Variants in SSBP2 observed in about 807,000 individuals in gnomAD.
SSBP2 encodes single-stranded DNA-binding protein 2.
SSBP2 carries 17 observed loss-of-function variants against 61.8 expected under a neutral mutation model. That is an observed-to-expected ratio of 0.28 (90% CI 0.19 to 0.41). The LOEUF (loss-of-function observed/expected upper bound fraction) is 0.41, where lower values mean the gene tolerates loss of function less well. Among genes scored for constraint, SSBP2 ranks in the 10% least tolerant of loss-of-function variants. SSBP2 has a pLI of 1.00. For missense variants in SSBP2, 310 were observed against 458.7 expected (o/e 0.68, Z 2.96); for synonymous variants, 139 against 141.3 (o/e 0.98, Z 0.12).
At chr5:81,745,504 C>T (rs1757298919) in intron 1 of SSBP2, among the ~76,000 whole-genome samples, 2 of 152,068 alleles carry the variant, frequency 1.3e-5, no homozygotes, top group South Asian at 4.2e-4. Context: ...TTAAGTCCAC[C>T]CTTTCAGAAA....
intron 4 of SSBP2, among the ~76,000 whole-genome samples, chr5:81,594,432 A>G (rs1743488748): frequency 6.6e-6 from 1 of 152,160 alleles, no homozygotes; most frequent in South Asian, 2.1e-4. Flanking sequence ...AGACAGATCA[A>G]CGAGACAGAA....
intron 10 of SSBP2, among the ~76,000 whole-genome samples, chr5:81,449,553 G>A (rs917542894): frequency 2.0e-5 from 3 of 152,056 alleles, no homozygotes; most frequent in African/African-American, 7.2e-5. Flanking sequence ...CTCTCTACTC[G>A]AAGTCAGACA....
intron 1 of SSBP2, among the ~76,000 whole-genome samples, chr5:81,722,399 T>TG (rs1755598137): frequency 6.7e-6 from 1 of 150,332 alleles, no homozygotes; most frequent in South Asian, 2.1e-4. Context: ...ATAATTTTGT[T>TG]TTTTTTTTTT....
At chr5:81,682,559 A>G (rs1561687395) in intron 1 of SSBP2, among the ~76,000 whole-genome samples, 1 of 152,184 alleles carries the variant, frequency 6.6e-6, no homozygotes, top group Non-Finnish European at 1.5e-5. Context: ...TAACCTACAG[A>G]TAACATATTT....
intron 1 of SSBP2, among the ~76,000 whole-genome samples, chr5:81,673,335 A>G (rs894096983): frequency 6.6e-6 from 1 of 152,300 alleles, no homozygotes; most frequent in East Asian, 1.9e-4. Context: ...GCTAACTAAT[A>G]TATTTATATT....
intron 1 of SSBP2, among the ~76,000 whole-genome samples, chr5:81,695,218 GTA>G (rs1753515135): frequency 6.6e-6 from 1 of 152,090 alleles, no homozygotes; most frequent in South Asian, 2.1e-4. Context: ...CTGAGAAAAA[GTA>G]TCTGCAATGT....
At chr5:81,429,079 A>G (rs1580654844) in intron 15 of SSBP2, among the ~76,000 whole-genome samples, 1 of 152,306 alleles carries the variant, frequency 6.6e-6, no homozygotes, top group East Asian at 1.9e-4. Flanking sequence ...TCATTTCACT[A>G]ACCAAACTTT....
At chr5:81,707,845 G>A (rs1385498507) in intron 1 of SSBP2, among the ~76,000 whole-genome samples, 1 of 152,156 alleles carries the variant, frequency 6.6e-6, no homozygotes, top group African/African-American at 2.4e-5. Flanking sequence ...TTAACAATGT[G>A]TGGGAAAGTG....
At chr5:81,530,021 T>G (rs191307860) in intron 4 of SSBP2, among the ~76,000 whole-genome samples, 2 of 151,980 alleles carry the variant, frequency 1.3e-5, no homozygotes, top group Non-Finnish European at 2.9e-5. Context: ...TAGACAGAGA[T>G]AGCGATACAG....
At chr5:81,606,765 G>C (rs1352102351) in intron 4 of SSBP2, among the ~76,000 whole-genome samples, 4 of 152,204 alleles carry the variant, frequency 2.6e-5, no homozygotes, top group Admixed American at 2.0e-4. Flanking sequence ...GAAAGGCGTA[G>C]GCCTGTGAGA....
At chr5:81,449,298 A>G (rs756332054) in intron 10 of SSBP2, among the ~76,000 whole-genome samples, 3 of 152,208 alleles carry the variant, frequency 2.0e-5, no homozygotes, top group Non-Finnish European at 2.9e-5. Flanking sequence ...TCTTCAAATC[A>G]AGCTCTTCAC....
intron 1 of SSBP2, among the ~76,000 whole-genome samples, chr5:81,672,826 G>A (rs1020048418): frequency 2.6e-5 from 4 of 151,452 alleles, no homozygotes; most frequent in Admixed American, 2.6e-4. Context: ...TGCCTGCCTT[G>A]GCCTCCCAAA....
intron 1 of SSBP2, among the ~76,000 whole-genome samples, chr5:81,654,266 G>A (rs75226712): frequency 0.023 from 3,555 of 152,210 alleles, 146 homozygotes; most frequent in African/African-American, 0.081. Context: ...GACCTAGTCA[G>A]TTTGTTTCTA....
chr5:81,424,517 T>C (rs1394441345), intron 16 of SSBP2, among the ~76,000 whole-genome samples: 1 of 152,136 alleles, frequency 6.6e-6, no homozygotes, highest in Admixed American at 6.5e-5. Context: ...TACAAATAAC[T>C]GTAAGATGGT....
chr5:81,750,646 C>G (rs1757698857), intron 1 of SSBP2: 1 of 308,368 alleles, frequency 3.2e-6, no homozygotes, highest in Non-Finnish European at 6.1e-6. Flanking sequence ...GCCCCGGACC[C>G]CAGCTCTAAA....
chr5:81,665,911 T>A (rs1312777141), intron 1 of SSBP2, among the ~76,000 whole-genome samples: 1 of 152,170 alleles, frequency 6.6e-6, no homozygotes, highest in Non-Finnish European at 1.5e-5. Flanking sequence ...GGTGACAAAA[T>A]GCCAATAGTT....
At position 81,467,020 on chromosome 5, in the gene SSBP2, G is replaced by C. The variant is rs909407352; in HGVS notation, c.592C>G (p.Pro198Ala). ...GGGCCACCTAAAGCATTCAGTGGGG[G>C]TCTCATTGCACCTCCATAGTTCTGT... The change falls in exon 9 of 17, where the codon CCC becomes GCC. Residue 198 changes from proline to alanine, a missense_variant. By Grantham distance (27) the Pro-to-Ala change is conservative. Around this residue, in one of 4 missense-constraint regions of SSBP2, gnomAD observed 209 missense variants for 286.4 expected, o/e 0.73. Transcript: ENST00000320672. 6.2e-7 allele frequency: 1 copy of C among 1,610,386 alleles called. No individual in the cohort carries two copies. Among genetic ancestry groups the C allele is most frequent in the African/African-American group, 1.3e-5 (1 of 74,810 alleles).
rs1561460985 is a variant in SSBP2, at chr5:81,489,102, T to TATTCAAG, written c.432+147_432+148insCTTGAAT. 1,795 of 676,202 alleles carry TATTCAAG rather than the reference T, an allele frequency of 2.7e-3. 29 individuals carry two copies. In the African/African-American group the frequency reaches 0.031, roughly 12 times the overall value. The allele number at this position is 676,202 out of a possible 1,614,324, so 41.9% of individuals were successfully genotyped here. A position where few individuals can be genotyped will look rare whatever the true frequency, so the allele number is the denominator to read the frequency against. On this transcript the variant is annotated intron_variant, in intron 6 of 16. Transcript: ENST00000320672. ...TAAAAAATAGCTAGCTTATGAGCTGTAGTTTGCCAACCCTTGAAGCAGACT... is the reference window on the plus strand; with the variant it reads ...TAAAAAATAGCTAGCTTATGAGCTGTATTCAAGAGTTTGCCAACCCTTGAAGCAGACT...
intron 3 of SSBP2, among the ~76,000 whole-genome samples, chr5:81,631,881 C>T (rs114326729): frequency 0.011 from 1,622 of 152,176 alleles, 27 homozygotes; most frequent in African/African-American, 0.038. Context: ...CTGAAAACAA[C>T]AAAACCTTGC....
Sources: allele counts gnomAD v4.1 joint callset (sites outside exome capture counted in the v4.1 genomes callset), GRCh38; gene constraint gnomAD v4.1.1; regional missense constraint gnomAD v4.1.1; transcripts MANE v1.5; gene names NCBI Gene and HGNC (gene_info 2026-07-23, HGNC 2026-07-21).